HPSE2: variants seen among roughly 807,000 people sequenced by gnomAD.
HPSE2 encodes heparanase 2 (inactive).
HPSE2 carries 38 observed loss-of-function variants against 60.5 expected under a neutral mutation model. The observed-to-expected ratio is 0.63, with a 90% CI of 0.48 to 0.82. The LOEUF (loss-of-function observed/expected upper bound fraction) is 0.82. Among genes scored for constraint, HPSE2 ranks in the 40% least tolerant of loss-of-function variants. The pLI is 0.00. For missense variants in HPSE2, 713 were observed against 740.4 expected (o/e 0.96, Z 0.43); for synonymous variants, 295 against 293.2 (o/e 1.01, Z -0.06).
chr10:98,490,369 C>A (rs1193595274), intron 9 of HPSE2, among the ~76,000 whole-genome samples, 173 bp from the exon 10 acceptor site: 3 of 152,136 alleles, frequency 2.0e-5, no homozygotes, highest in Admixed American at 2.0e-4. Context: ...TGGTCAGCCC[C>A]ATGAAACACG....
intron 9 of HPSE2, among the ~76,000 whole-genome samples, chr10:98,595,712 G>T (rs1167472163): frequency 6.6e-6 from 1 of 152,042 alleles, no homozygotes; most frequent in East Asian, 1.9e-4. Flanking sequence ...TTGCCTAACT[G>T]TCCTGGCTAG....
At chr10:98,654,734 C>T in intron 6 of HPSE2, among the ~76,000 whole-genome samples, 2 of 152,050 alleles carry the variant, frequency 1.3e-5, no homozygotes, top group Non-Finnish European at 2.9e-5. Flanking sequence ...ATACTTTGTT[C>T]AGACTGTGTT....
chr10:98,912,247 C>T (rs1953998930), intron 3 of HPSE2, among the ~76,000 whole-genome samples: 1 of 152,188 alleles, frequency 6.6e-6, no homozygotes, highest in Non-Finnish European at 1.5e-5. Flanking sequence ...TACCAACACA[C>T]TGAATTGCTA....
chr10:98,951,212 T>C (rs1381081778), intron 3 of HPSE2, among the ~76,000 whole-genome samples: 6 of 152,134 alleles, frequency 3.9e-5, no homozygotes, highest in African/African-American at 1.2e-4. Flanking sequence ...ATGACAACAG[T>C]AAGACTAAAG....
chr10:99,129,400 T>C (rs1468123364), intron 3 of HPSE2, among the ~76,000 whole-genome samples: 3 of 152,140 alleles, frequency 2.0e-5, no homozygotes, highest in Non-Finnish European at 4.4e-5. Flanking sequence ...CAAGTCTCAA[T>C]ACATTTTTTA....
chr10:98,495,142 A>G (rs1003441385), intron 9 of HPSE2, among the ~76,000 whole-genome samples: 4 of 151,804 alleles, frequency 2.6e-5, no homozygotes, highest in Non-Finnish European at 5.9e-5. Context: ...TGAAGAAAAA[A>G]TTTTGATGGA....
chr10:99,166,760 AT>A (rs1847094816), intron 2 of HPSE2, among the ~76,000 whole-genome samples: 1 of 150,570 alleles, frequency 6.6e-6, no homozygotes, highest in African/African-American at 2.4e-5. Flanking sequence ...CAAATCCTTT[AT>A]CAGATTTGTG....
intron 3 of HPSE2, among the ~76,000 whole-genome samples, chr10:98,861,334 C>T (rs1952454319): frequency 2.6e-5 from 4 of 152,122 alleles, no homozygotes. Context: ...TTCTTATTTG[C>T]TGATATTTTA....
chr10:98,952,447 G>A (rs754261600), intron 3 of HPSE2, among the ~76,000 whole-genome samples: 11 of 150,778 alleles, frequency 7.3e-5, no homozygotes, highest in East Asian at 2.0e-4. Context: ...ATTTTAAAAC[G>A]GTAAATCCTT....
intron 3 of HPSE2, among the ~76,000 whole-genome samples, chr10:98,986,000 T>G (rs1447945780): frequency 1.3e-5 from 2 of 152,094 alleles, no homozygotes; most frequent in Admixed American, 6.5e-5. Flanking sequence ...AGCAAGTCCT[T>G]AGAGACCTAC....
chr10:99,307,725 G>T, the HPSE2 span, among the ~76,000 whole-genome samples: 1 of 151,868 alleles, frequency 6.6e-6, no homozygotes, highest in Non-Finnish European at 1.5e-5. Flanking sequence ...ATTACCATGG[G>T]GTATGCCCTT....
chr10:99,237,258 G>A (rs1011482432), upstream of HPSE2, among the ~76,000 whole-genome samples: 5 of 152,158 alleles, frequency 3.3e-5, no homozygotes, highest in Non-Finnish European at 7.3e-5. Flanking sequence ...AGTGCGGGCA[G>A]TCAGAAACGC....
intron 5 of HPSE2, among the ~76,000 whole-genome samples, chr10:98,714,527 G>A (rs929762158): frequency 6.6e-6 from 1 of 151,840 alleles, no homozygotes; most frequent in Non-Finnish European, 1.5e-5. Flanking sequence ...GTTATAACAT[G>A]TATTGGTGCT....
intron 3 of HPSE2, among the ~76,000 whole-genome samples, chr10:98,863,595 A>T (rs1490416968): frequency 6.6e-6 from 1 of 152,128 alleles, no homozygotes; most frequent in Non-Finnish European, 1.5e-5. Context: ...TCCTGTTTCA[A>T]GTTTAGAAAG....
chr10:99,085,505 T>C (rs1350907666), intron 3 of HPSE2, among the ~76,000 whole-genome samples: 2 of 152,200 alleles, frequency 1.3e-5, no homozygotes, highest in Non-Finnish European at 2.9e-5. Flanking sequence ...GATTTTCACA[T>C]CACTTCTTTT....
At chr10:98,661,246 A>C (rs927413100) in intron 6 of HPSE2, among the ~76,000 whole-genome samples, 1 of 152,248 alleles carries the variant, frequency 6.6e-6, no homozygotes, top group Non-Finnish European at 1.5e-5. Context: ...ACTTGGACTA[A>C]TGAAGTCCCA....
the HPSE2 span, among the ~76,000 whole-genome samples, chr10:99,262,705 T>A: frequency 6.6e-6 from 1 of 152,114 alleles, no homozygotes; most frequent in Non-Finnish European, 1.5e-5. Flanking sequence ...ACCAGACAAG[T>A]CTTATAGGTT....
intron 3 of HPSE2, among the ~76,000 whole-genome samples, chr10:98,976,862 T>C (rs577068455): frequency 4.6e-5 from 7 of 151,944 alleles, no homozygotes; most frequent in African/African-American, 2.4e-5. Context: ...TCCTGGACAA[T>C]ATGAGCAGGC....
intron 3 of HPSE2, among the ~76,000 whole-genome samples, chr10:99,007,358 A>G (rs1956918033): frequency 6.6e-6 from 1 of 152,120 alleles, no homozygotes; most frequent in Admixed American, 6.5e-5. Flanking sequence ...TCCCCCAAGG[A>G]GAGAGTATCT....
Sources: gnomAD v4.1 joint callset for allele counts (sites outside exome capture counted in the v4.1 genomes callset) on GRCh38, gnomAD v4.1.1 for gene constraint, MANE v1.5 for transcripts, NCBI Gene and HGNC (gene_info 2026-07-23, HGNC 2026-07-21) for gene names.